Variants in MED11 observed in about 807,000 individuals in gnomAD.
The protein encoded by MED11 is mediator of RNA polymerase II transcription subunit 11.
Under a neutral mutation model 13.9 loss-of-function variants are expected in MED11, and 19 were observed. The ratio of observed to expected loss-of-function variants is 1.36; its 90% CI spans 0.95 to 2.00. The LOEUF is 2.00. Ranked by LOEUF, MED11 falls within the 30% of genes most tolerant of loss-of-function variation. MED11 has a pLI of 0.00. For synonymous variants in MED11, 67 were observed against 62.1 expected (o/e 1.08, Z -0.37); for missense variants, 134 against 150.2 (o/e 0.89, Z 0.56).
At chr17:4,731,728 C>T (rs752205626) in intron 1 of MED11, 48 bp from the exon 2 acceptor site, 6 of 1,608,154 alleles carry the variant, frequency 3.7e-6, no homozygotes, top group Non-Finnish European at 5.1e-6. Context: ...TAGGGAGAGG[C>T]TACACTGGCA....
chr17:4,732,903 C>T (rs530198035), intron 2 of MED11, 147 bp from the exon 3 acceptor site: 2 of 893,860 alleles, frequency 2.2e-6, no homozygotes, highest in South Asian at 1.7e-5. Flanking sequence ...ATTTTACAGA[C>T]AAGATTAACA....
In MED11 at chr17:4,731,885, T is replaced by G; in HGVS notation, c.195T>G (p.Ala65=). 6 of 1,613,902 alleles carry G rather than the reference T, an allele frequency of 3.7e-6. No homozygotes were observed. Among genetic ancestry groups the G allele is most frequent in the Non-Finnish European group, 5.1e-6 (6 of 1,179,926 alleles). Residue 65 remains alanine, a synonymous_variant, in exon 2 of 3, where the codon GCT becomes GCG. Transcript: ENST00000293777. ...SVQHVEAELS[A]QIRYLTQVAT... ...AACACGTGGAGGCGGAGCTGTCAGCTCAGATCCGCTACCTCACCCAGGTCG... is the reference window on the plus strand; with the variant it reads ...AACACGTGGAGGCGGAGCTGTCAGCGCAGATCCGCTACCTCACCCAGGTCG...
intron 2 of MED11, 188 bp from the exon 3 acceptor site, chr17:4,732,862 A>G: frequency 1.5e-6 from 1 of 651,500 alleles, no homozygotes; most frequent in South Asian, 2.0e-5. Flanking sequence ...CTAATCCTCA[A>G]CAACTCTAGG....
Position 4,731,629 on chromosome 17 carries a change from T to G in MED11, c.85+55T>G, listed in dbSNP as rs1915978846. The G allele has an allele frequency of 1.9e-6, 3 of 1,606,946 alleles. No homozygotes were observed. In the East Asian group the frequency reaches 6.7e-5, roughly 36 times the overall value. On this transcript the variant is annotated intron_variant, in intron 1 of 2. Coordinates refer to ENST00000293777, the MANE Select transcript of MED11 (RefSeq NM_001001683.4). Reference sequence around the variant, plus strand: ...GAGCGAAAGCGTGACCGGGCTGCACTGGCAGCCTGACCTGGGACTTGGAGC... The same window carrying G: ...GAGCGAAAGCGTGACCGGGCTGCACGGGCAGCCTGACCTGGGACTTGGAGC...
Position 4,731,922 on chromosome 17 carries a change from G to A in MED11, c.216+16G>A. 6.2e-7 allele frequency: 1 copy of A among 1,609,230 alleles called. No individual in the cohort carries two copies. Among genetic ancestry groups the A allele is most frequent in the Non-Finnish European group, 8.5e-7 (1 of 1,176,904 alleles). On this transcript the variant is annotated intron_variant, in intron 2 of 2. Coordinates refer to ENST00000293777, the MANE Select transcript of MED11 (RefSeq NM_001001683.4). ...CCTCACCCAGGTCGGTGTGTCTGGGGGGTTCTGCGAGCGAACCCCAGCTCT... is the reference window on the plus strand; with the variant it reads ...CCTCACCCAGGTCGGTGTGTCTGGGAGGTTCTGCGAGCGAACCCCAGCTCT...
At position 4,731,907 on chromosome 17, in the gene MED11, G is replaced by T. The variant is rs752839407; in HGVS notation, c.216+1G>T. 5 of 1,613,504 alleles carry T rather than the reference G, an allele frequency of 3.1e-6. No individual in the cohort carries two copies. Among genetic ancestry groups the T allele is most frequent in the East Asian group, 4.5e-5 (2 of 44,864 alleles). ...AGCTCAGATCCGCTACCTCACCCAGGTCGGTGTGTCTGGGGGGTTCTGCGA... is the reference window on the plus strand; with the variant it reads ...AGCTCAGATCCGCTACCTCACCCAGTTCGGTGTGTCTGGGGGGTTCTGCGA... On this transcript the variant is annotated splice_donor_variant, in intron 2 of 2. Coordinates refer to ENST00000293777, the MANE Select transcript of MED11 (RefSeq NM_001001683.4). LOFTEE classifies it high-confidence loss of function.
rs201509799 is a variant in MED11, at chr17:4,731,593, T to C, written c.85+19T>C. On this transcript the variant is annotated intron_variant, in intron 1 of 2. Coordinates refer to ENST00000293777, the MANE Select transcript of MED11 (RefSeq NM_001001683.4). ...AATGCAGGTTCGGGATGCGACAACC[T>C]GGACAGCGGGGAGCGAAAGCGTGAC... is the stretch of plus-strand genomic sequence containing the variant. The C allele has an allele frequency of 6.6e-5, 106 of 1,614,000 alleles. No homozygotes were observed. The African/African-American group carries it at 1.4e-3, about 21-fold the overall frequency.
rs781697281 is a variant in MED11, at chr17:4,733,148, T to G, written c.315T>G (p.Ser105Arg). ...KRVDYARLKL[S>R]DVARTCEQML... ...TGGACTATGCCCGCCTCAAGCTCAG[T>G]GATGTGGCTCGAACCTGTGAGCAGA... is the stretch of plus-strand genomic sequence containing the variant. The change falls in exon 3 of 3, where the codon AGT (serine) becomes AGG (arginine). Residue 105 changes from serine to arginine, a missense_variant. Physicochemically the swap from Ser to Arg is moderately radical, Grantham distance 110. Coordinates refer to ENST00000293777, the MANE Select transcript of MED11 (RefSeq NM_001001683.4). The G allele has an allele frequency of 6.2e-7, 1 of 1,614,160 alleles. No homozygotes were observed. The highest frequency in any genetic ancestry group is 1.1e-5 in the South Asian group (1 of 91,082).
chr17:4,731,974 C>A, intron 2 of MED11, 68 bp downstream of exon 2: 2 of 1,558,926 alleles, frequency 1.3e-6, no homozygotes, highest in Non-Finnish European at 1.7e-6. Context: ...CTTGGGTGAT[C>A]CAGGGTGGAG....
At chr17:4,732,006 C>A in intron 2 of MED11, 100 bp downstream of exon 2, 1 of 1,395,854 alleles carries the variant, frequency 7.2e-7, no homozygotes, top group African/African-American at 1.4e-5. Context: ...CAGGACCAGA[C>A]CTCCCCAGCC....
intron 2 of MED11, chr17:4,732,809 T>G: frequency 1.9e-6 from 1 of 533,400 alleles, no homozygotes; most frequent in Non-Finnish European, 3.3e-6. Context: ...ACCACTACCA[T>G]TACTAATTTT....
At position 4,731,787 on chromosome 17, in the gene MED11, C is replaced by T. The variant is rs773724922; in HGVS notation, c.97C>T (p.Leu33=). The part of the protein sequence containing the change: ...AILQNAGTVI[L]ELSKEKTNER... ...CTCCGCCCTGGCAGGTACTGTGATC[C>T]TAGAATTGTCCAAGGAAAAAACTAA... is the stretch of plus-strand genomic sequence containing the variant. The change falls in exon 2 of 3, where the codon CTA becomes TTA. Residue 33 remains leucine (L), a synonymous_variant. Coordinates refer to ENST00000293777, the MANE Select transcript of MED11 (RefSeq NM_001001683.4). The T allele has an allele frequency of 6.2e-7, 1 of 1,614,090 alleles. No individual in the cohort carries two copies. The highest frequency in any genetic ancestry group is 1.1e-5 in the South Asian group (1 of 91,056).
Position 4,733,099 on chromosome 17 carries a change from A to G in MED11, c.266A>G (p.Asp89Gly), listed in dbSNP as rs1916038168. The part of the protein sequence containing the change: ...HEGSSYSSRK[D>G]CQMALKRVDY... Reference sequence around the variant, plus strand: ...GGCTCCAGCTACTCTTCGAGGAAGGACTGTCAGATGGCTCTGAAGCGAGTG... The same window carrying G: ...GGCTCCAGCTACTCTTCGAGGAAGGGCTGTCAGATGGCTCTGAAGCGAGTG... Residue 89 changes from aspartate to glycine, a missense_variant, in exon 3 of 3, where the codon GAC (aspartate) becomes GGC (glycine). Asp to Gly is a moderately conservative substitution (Grantham distance 94, BLOSUM62 -1). Coordinates refer to ENST00000293777, the MANE Select transcript of MED11 (RefSeq NM_001001683.4). 3 of 1,614,162 alleles carry G rather than the reference A, an allele frequency of 1.9e-6. No individual in the cohort carries two copies. In the East Asian group the frequency reaches 6.7e-5, roughly 36 times the overall value.
rs977223818 is a variant in MED11, at chr17:4,733,564, A to G, written c.*377A>G. On this transcript the variant is annotated 3_prime_UTR_variant, in exon 3 of 3. Coordinates refer to ENST00000293777, the MANE Select transcript of MED11 (RefSeq NM_001001683.4). ...GAGACAAAACAAGAACTAGAGTTTT[A>G]ATGATAATAAAAGCAATAATAATAA... The G allele has an allele frequency of 6.2e-5, 11 of 177,658 alleles. No homozygotes were observed. The South Asian group carries it at 1.4e-3, about 22-fold the overall frequency. 11.0% of individuals were successfully genotyped at this position (177,658 alleles called of 1,614,324 possible).
rs1915975221 is a variant in MED11 at position 4,731,544 on chromosome 17, C to T, written c.55C>T (p.Arg19Trp). The stretch of plus-strand genomic sequence containing the variant: ...ACTACGCGCTCTGGAAGACATTGAA[C>T]GGGAAATCGGCGCCATCCTTCAGAA... Reference protein sequence around the residue: ...ERLRALEDIEREIGAILQNAG... With the variant: ...ERLRALEDIEWEIGAILQNAG... Residue 19 changes from arginine (R) to tryptophan (W), a missense_variant, in exon 1 of 3, where the codon CGG (arginine) becomes TGG (tryptophan). Coordinates refer to ENST00000293777, the MANE Select transcript of MED11 (RefSeq NM_001001683.4). 1 of 1,614,178 alleles carries T rather than the reference C, an allele frequency of 6.2e-7. No homozygotes were observed. The highest frequency in any genetic ancestry group is 8.5e-7 in the Non-Finnish European group (1 of 1,180,022).
At chr17:4,732,929 A>T in intron 2 of MED11, 121 bp from the exon 3 acceptor site, 1 of 1,126,770 alleles carries the variant, frequency 8.9e-7, no homozygotes, top group Non-Finnish European at 1.3e-6. Flanking sequence ...TAAATGATTT[A>T]TTTACCCAGC....
In MED11 at chr17:4,731,840, G is replaced by T. The variant is rs200075130; in HGVS notation, c.150G>T (p.Ala50=). 6.2e-7 allele frequency: 1 copy of T among 1,614,016 alleles called. No individual in the cohort carries two copies. Among genetic ancestry groups the T allele is most frequent in the Admixed American group, 1.7e-5 (1 of 60,018 alleles). The change falls in exon 2 of 3, where the codon GCG becomes GCT. Residue 50 remains alanine, a synonymous_variant. Coordinates refer to ENST00000293777, the MANE Select transcript of MED11 (RefSeq NM_001001683.4). The part of the protein sequence containing the change: ...TNERLLDRQA[A]AFTASVQHVE... ...AGCGGCTCCTAGACCGGCAGGCGGC[G>T]GCCTTCACCGCTTCAGTGCAACACG...
chr17:4,731,634 G>A (rs1915979117), intron 1 of MED11, 60 bp downstream of exon 1: 17 of 1,611,064 alleles, frequency 1.1e-5, no homozygotes, highest in Non-Finnish European at 1.3e-5. Context: ...TGCACTGGCA[G>A]CCTGACCTGG....
At chr17:4,731,641 C>T (rs916816685) in intron 1 of MED11, 67 bp downstream of exon 1, 260 of 1,610,524 alleles carry the variant, frequency 1.6e-4, no homozygotes, top group Non-Finnish European at 2.0e-4. Flanking sequence ...GCAGCCTGAC[C>T]TGGGACTTGG....
Sources: gnomAD v4.1 joint callset for allele counts on GRCh38, gnomAD v4.1.1 for gene constraint, MANE v1.5 for transcripts, NCBI Gene and HGNC (gene_info 2026-07-23, HGNC 2026-07-21) for gene names.